Variants in SSH1 observed in about 807,000 individuals in gnomAD.
SSH1 encodes protein phosphatase Slingshot homolog 1.
A neutral mutation model predicts 79.7 loss-of-function variants in SSH1; 43 were observed. The ratio of observed to expected loss-of-function variants is 0.54; its 90% confidence interval spans 0.42 to 0.70. SSH1 has a LOEUF of 0.70. Ranked by LOEUF, SSH1 falls within the 30% of genes least tolerant of loss-of-function variation. SSH1 has a pLI of 0.00. For missense variants in SSH1, 1,206 were observed against 1,358.8 expected, an observed-to-expected ratio of 0.89 and a Z score of 1.77; for synonymous variants, 599 against 538.3, an observed-to-expected ratio of 1.11 and a Z score of -1.56.
intron 2 of SSH1, among the ~76,000 whole-genome samples, chr12:108,836,050 A>ATCGATTATATTAATATTAATATAG (rs2038620922): frequency 6.8e-6 from 1 of 147,518 alleles, no homozygotes; most frequent in African/African-American, 2.5e-5. Context: ...TATTAATATA[A>ATCGATTATATTAATATTAATATAG]TCAATATTAA....
rs1423141599 is a variant in SSH1 at position 108,788,374 on chromosome 12, T to C, written c.2764A>G (p.Thr922Ala). The C allele has an allele frequency of 1.2e-6, 2 of 1,612,322 alleles. No individual in the cohort carries two copies. Among genetic ancestry groups the C allele is most frequent in the East Asian group, 2.2e-5 (1 of 44,870 alleles). Residue 922 changes from threonine (T) to alanine (A), a missense_variant, in exon 15 of 15, where the codon ACC becomes GCC. Around this residue, in one of 5 missense-constraint regions of SSH1, gnomAD observed 709 missense variants for 730.6 expected, o/e 0.97. Transcript: ENST00000326495. ...SKDFLKTICY[T>A]PTSSSMSSNL... ...GAGCTCATGGAAGAGGAGGTGGGGG[T>C]GTAGCAGATGGTCTTCAGAAAGTCT...
At chr12:108,844,903 G>A (rs1435865205) in intron 2 of SSH1, among the ~76,000 whole-genome samples, 1 of 152,180 alleles carries the variant, frequency 6.6e-6, no homozygotes, top group East Asian at 1.9e-4. Context: ...GAAGTCAGGA[G>A]TTTGAGACCA....
chr12:108,823,006 A>C (rs1329330395), intron 3 of SSH1, among the ~76,000 whole-genome samples: 1 of 152,242 alleles, frequency 6.6e-6, no homozygotes, highest in Non-Finnish European at 1.5e-5. Flanking sequence ...AACTACAGAG[A>C]GGAAATCTTT....
chr12:108,791,910 G>T, intron 14 of SSH1: 4 of 1,299,990 alleles, frequency 3.1e-6, no homozygotes, highest in East Asian at 2.8e-5. Flanking sequence ...GTCATATATC[G>T]ATAAAGGCTG....
rs2037922589 is a variant in SSH1, at chr12:108,817,092, C to T, written c.347G>A (p.Arg116His). 2.5e-6 allele frequency: 4 copies of T among 1,614,054 alleles called. No individual in the cohort carries two copies. The highest frequency in any genetic ancestry group is 3.4e-6 in the Non-Finnish European group (4 of 1,180,034). ...CAAGATATTCTCCTCGGTGTCCTGG[C>T]GCCCGCTGCTGTACACCACCACCAT... ...RYMVVVYSSG[R>H]QDTEENILLG... The change falls in exon 5 of 15, where the codon CGC (arginine) becomes CAC (histidine). Residue 116 changes from arginine to histidine, a missense_variant. Physicochemically the swap from Arg to His is conservative, Grantham distance 29 (BLOSUM62 0). Around this residue, in one of 5 missense-constraint regions of SSH1, gnomAD observed 115 missense variants for 173.9 expected, o/e 0.66. Coordinates refer to ENST00000326495, the MANE Select transcript of SSH1 (RefSeq NM_018984.4).
intron 5 of SSH1, among the ~76,000 whole-genome samples, chr12:108,815,462 A>G (rs2037840956): frequency 1.3e-5 from 2 of 152,252 alleles, no homozygotes; most frequent in African/African-American, 4.8e-5. Flanking sequence ...TTATTGGAAC[A>G]GGCCACACTT....
At chr12:108,810,714 G>A (rs934647030) in intron 6 of SSH1, among the ~76,000 whole-genome samples, 3 of 152,110 alleles carry the variant, frequency 2.0e-5, no homozygotes, top group East Asian at 3.9e-4. Context: ...ACTCCTCACC[G>A]TGCCCACACA....
At chr12:108,819,594 C>T (rs117257489) in intron 3 of SSH1, among the ~76,000 whole-genome samples, 2 of 151,942 alleles carry the variant, frequency 1.3e-5, no homozygotes, top group Admixed American at 6.6e-5. Context: ...TTTGGGAGGC[C>T]GAGGCAGGAG....
At chr12:108,803,654 G>A (rs746107227) in intron 10 of SSH1, among the ~76,000 whole-genome samples, 6 of 152,124 alleles carry the variant, frequency 3.9e-5, no homozygotes, top group Non-Finnish European at 7.4e-5. Context: ...AAAACATAAC[G>A]CGAGTGCCGC....
intron 13 of SSH1, among the ~76,000 whole-genome samples, chr12:108,795,240 T>C (rs1157125024): frequency 6.6e-6 from 1 of 152,118 alleles, no homozygotes; most frequent in Non-Finnish European, 1.5e-5. Context: ...AGCAGCTCTA[T>C]TGGGTGGGTA....
rs965826354 is a variant in SSH1 at position 108,781,688 on chromosome 12, T to A, written c.*6300A>T. ...TTTCCCAGTCTCCCTGGCTGTTGCA[T>A]TGGGACCCTGTGACTGGGCCCTGCC... On this transcript the variant is annotated 3_prime_UTR_variant, in exon 15 of 15. Transcript: ENST00000326495. 2 of 152,318 alleles carry A rather than the reference T, an allele frequency of 1.3e-5. No homozygotes were observed. Among genetic ancestry groups the A allele is most frequent in the South Asian group, 2.1e-4 (1 of 4,826 alleles). 9.4% of individuals were successfully genotyped at this position (152,318 alleles called of 1,614,324 possible).
In SSH1 at chr12:108,811,299, C is replaced by T. The variant is rs563965184; in HGVS notation, c.431G>A (p.Arg144Gln). ...GTGGATTTTCGTGTCGCTCCACAGT[C>T]GGAGAACCATCCCAATGGTGCAGCT... is the stretch of plus-strand genomic sequence containing the variant. Reference protein sequence around the residue: ...SKSCTIGMVLRLWSDTKIHLD... With the variant: ...SKSCTIGMVLQLWSDTKIHLD... Residue 144 changes from arginine (R) to glutamine (Q), a missense_variant, in exon 6 of 15, where the codon CGA becomes CAA. By Grantham distance (43) the Arg-to-Gln change is conservative (BLOSUM62 1). Transcript: ENST00000326495. 4.7e-5 allele frequency: 76 copies of T among 1,614,216 alleles called. 2 individuals carry two copies. The South Asian group carries it at 6.6e-4, about 14-fold the overall frequency.
intron 3 of SSH1, 22 bp from the exon 4 acceptor site, chr12:108,818,335 C>CTTTAAAA: frequency 1.2e-6 from 2 of 1,611,270 alleles, no homozygotes; most frequent in Non-Finnish European, 1.7e-6. Flanking sequence ...ATAAAGAAAG[C>CTTTAAAA]TTTAAAAGGT....
Position 108,811,294 on chromosome 12 carries a change from A to C in SSH1, c.436T>G (p.Trp146Gly). ...TCAAGGTGGATTTTCGTGTCGCTCC[A>C]CAGTCGGAGAACCATCCCAATGGTG... ...SCTIGMVLRL[W>G]SDTKIHLDGD... The change falls in exon 6 of 15, where the codon TGG becomes GGG. Residue 146 changes from tryptophan to glycine, a missense_variant. This residue lies in a region of SSH1 where 115 missense variants were observed against 173.9 expected (regional missense o/e 0.66). Coordinates refer to ENST00000326495, the MANE Select transcript of SSH1 (RefSeq NM_018984.4). 6.2e-7 allele frequency: 1 copy of C among 1,614,216 alleles called. No homozygotes were observed. The highest frequency in any genetic ancestry group is 2.2e-5 in the East Asian group (1 of 44,890).
intron 14 of SSH1, among the ~76,000 whole-genome samples, chr12:108,791,422 A>G (rs1479235381): frequency 6.6e-6 from 1 of 152,132 alleles, no homozygotes; most frequent in Admixed American, 6.5e-5. Flanking sequence ...CAGTTTTTTT[A>G]AAAGGTGACA....
intron 12 of SSH1, among the ~76,000 whole-genome samples, chr12:108,799,562 C>T (rs573172709): frequency 2.0e-5 from 3 of 152,278 alleles, no homozygotes; most frequent in East Asian, 3.9e-4. Context: ...AAGCCCTTTC[C>T]TGAGACGAGA....
At chr12:108,841,910 G>A (rs1001981000) in intron 2 of SSH1, among the ~76,000 whole-genome samples, 2 of 152,014 alleles carry the variant, frequency 1.3e-5, no homozygotes, top group Middle Eastern at 3.2e-3. Flanking sequence ...TTGGGAGGCC[G>A]ATGTGGGCAG....
intron 2 of SSH1, among the ~76,000 whole-genome samples, chr12:108,830,608 A>G (rs2038449249): frequency 6.6e-6 from 1 of 152,092 alleles, no homozygotes; most frequent in African/African-American, 2.4e-5. Context: ...GTGCTCTCAG[A>G]AGGTGGGTGA....
chr12:108,804,687 G>A (rs1304258211), intron 10 of SSH1, among the ~76,000 whole-genome samples: 2 of 152,236 alleles, frequency 1.3e-5, no homozygotes, highest in Non-Finnish European at 2.9e-5. Context: ...ACTTCCTTTA[G>A]TAACTGGGGT....
Sources: allele counts gnomAD v4.1 joint callset (sites outside exome capture counted in the v4.1 genomes callset), GRCh38; gene constraint gnomAD v4.1.1; regional missense constraint gnomAD v4.1.1; transcripts MANE v1.5; gene names NCBI Gene and HGNC (gene_info 2026-07-23, HGNC 2026-07-21).